The following COPB1 variants were observed in gnomAD, a reference collection of about 807,000 sequenced individuals.
COPB1 encodes coatomer subunit beta.
Under a neutral mutation model 108.7 loss-of-function variants are expected in COPB1, and 21 were observed. That is an observed-to-expected ratio of 0.19 (90% CI 0.14 to 0.28). The LOEUF is 0.28. Among genes scored for constraint, COPB1 ranks in the 10% least tolerant of loss-of-function variants. COPB1 has a pLI of 1.00. For missense variants in COPB1, 919 were observed against 1,141.3 expected (o/e 0.81, Z 2.81); for synonymous variants, 378 against 386.8 (o/e 0.98, Z 0.27).
chr11:14,464,857 G>A (rs1850246253), intron 18 of COPB1, 54 bp downstream of exon 18: 1 of 1,580,140 alleles, frequency 6.3e-7, no homozygotes, highest in Admixed American at 1.7e-5. Context: ...ACTCACTATA[G>A]AAATTCTTCA....
At chr11:14,458,453 C>T in intron 21 of COPB1, 79 bp downstream of exon 21, 1 of 1,357,934 alleles carries the variant, frequency 7.4e-7, no homozygotes, top group Non-Finnish European at 1.0e-6. Flanking sequence ...AAAGATACTA[C>T]ATATAGAAAT....
chr11:14,471,770 A>C (rs1018925218), intron 14 of COPB1, among the ~76,000 whole-genome samples: 80 of 152,044 alleles, frequency 5.3e-4, no homozygotes, highest in Non-Finnish European at 1.9e-4. Context: ...AATACAAAAA[A>C]AATTAGACAG....
intron 20 of COPB1, 33 bp downstream of exon 20, chr11:14,460,175 A>G: frequency 7.2e-7 from 1 of 1,390,640 alleles, no homozygotes; most frequent in Non-Finnish European, 1.0e-6. Flanking sequence ...CTACCATTCC[A>G]TCAGATTTCT....
chr11:14,473,480 G>C (rs1027433247), intron 14 of COPB1, among the ~76,000 whole-genome samples: 2 of 152,064 alleles, frequency 1.3e-5, no homozygotes, highest in Admixed American at 6.5e-5. Context: ...CCTTCACTTA[G>C]AAGCCACTGT....
intron 1 of COPB1, among the ~76,000 whole-genome samples, chr11:14,499,226 G>A (rs1851095187): frequency 6.6e-6 from 1 of 152,110 alleles, no homozygotes; most frequent in Admixed American, 6.5e-5. Flanking sequence ...AAGGCCCACA[G>A]AACAGTGACA....
intron 18 of COPB1, among the ~76,000 whole-genome samples, chr11:14,464,001 T>C (rs1850223344): frequency 6.6e-6 from 1 of 152,224 alleles, no homozygotes; most frequent in Admixed American, 6.5e-5. Flanking sequence ...TATAATGCTA[T>C]AAGTCATTCA....
Position 14,479,609 on chromosome 11 carries a change from C to T in COPB1, c.1318G>A (p.Glu440Lys). ...GCATGAAAGACTTCAAGCATCTTCTCAACAATAAGCATTCTCAGGTTATCA... is the reference window on the plus strand; with the variant it reads ...GCATGAAAGACTTCAAGCATCTTCTTAACAATAAGCATTCTCAGGTTATCA... ...RFDNLRMLIV[E>K]KMLEVFHAIK... Residue 440 changes from glutamate to lysine, a missense_variant, in exon 11 of 22, where the codon GAG (glutamate) becomes AAG (lysine). Glu to Lys is a moderately conservative substitution (Grantham distance 56, BLOSUM62 1). This residue lies in a region of COPB1 where 705 missense variants were observed against 817.8 expected (regional missense o/e 0.86). Transcript: ENST00000439561. 1 of 1,612,758 alleles carries T rather than the reference C, an allele frequency of 6.2e-7. No individual in the cohort carries two copies. Among genetic ancestry groups the T allele is most frequent in the Non-Finnish European group, 8.5e-7 (1 of 1,179,534 alleles).
chr11:14,498,855 C>G lies in COPB1; in HGVS notation c.74G>C (p.Ser25Thr). The G allele has an allele frequency of 1.2e-6, 2 of 1,602,034 alleles. No homozygotes were observed. Among genetic ancestry groups the G allele is most frequent in the Non-Finnish European group, 1.7e-6 (2 of 1,176,336 alleles). The change falls in exon 2 of 22, where the codon AGC (serine) becomes ACC (threonine). Residue 25 changes from serine to threonine, a missense_variant. By Grantham distance (58) the Ser-to-Thr change is moderately conservative. This residue lies in a region of COPB1 where 92 missense variants were observed against 108.4 expected (regional missense o/e 0.85). Coordinates refer to ENST00000439561, the MANE Select transcript of COPB1 (RefSeq NM_001144061.2). ...AAGTTTACCTAGATCATTTTTTAAG[C>G]TAATTTCAGATGGTGGTTCTGAATC... Reference protein sequence around the residue: ...PMDSEPPSEISLKNDLEKGDV... With the variant: ...PMDSEPPSEITLKNDLEKGDV...
intron 2 of COPB1, among the ~76,000 whole-genome samples, chr11:14,495,759 C>G (rs1339989187): frequency 1.3e-5 from 2 of 152,134 alleles, no homozygotes; most frequent in African/African-American, 4.8e-5. Context: ...TCAATTAAGA[C>G]TAGGGCATTG....
intron 10 of COPB1, 36 bp downstream of exon 10, chr11:14,480,723 G>C: frequency 1.9e-6 from 3 of 1,584,092 alleles, no homozygotes; most frequent in Non-Finnish European, 2.6e-6. Context: ...AATTCTTTTA[G>C]ATAATTTCAA....
At chr11:14,499,014 A>C in intron 1 of COPB1, 29 bp from the exon 2 acceptor site, 1 of 1,064,310 alleles carries the variant, frequency 9.4e-7, no homozygotes. Flanking sequence ...ACATATCATT[A>C]CAAATTAAAA....
intron 10 of COPB1, among the ~76,000 whole-genome samples, chr11:14,480,319 C>T (rs1850634229): frequency 6.6e-6 from 1 of 152,142 alleles, no homozygotes; most frequent in Non-Finnish European, 1.5e-5. Context: ...AGAGAGAACT[C>T]AAGAGCTCAA....
At position 14,480,748 on chromosome 11, in the gene COPB1, G is replaced by C; in HGVS notation, c.1212+11C>G. ...GATAATTTCAAAATTAAAGTCATCA[G>C]AATTACATACCACAGGAATAACATT... On this transcript the variant is annotated intron_variant, in intron 10 of 21. Coordinates refer to ENST00000439561, the MANE Select transcript of COPB1 (RefSeq NM_001144061.2). The C allele has an allele frequency of 1.9e-6, 3 of 1,601,910 alleles. No homozygotes were observed. The highest frequency in any genetic ancestry group is 1.7e-6 in the Non-Finnish European group (2 of 1,176,782).
intron 5 of COPB1, among the ~76,000 whole-genome samples, chr11:14,489,670 C>T (rs978265327): frequency 3.9e-5 from 6 of 151,976 alleles, no homozygotes; most frequent in African/African-American, 1.4e-4. Flanking sequence ...AATACTTAGT[C>T]AAAATCACAG....
chr11:14,493,918 T>C lies in COPB1; in HGVS notation c.322-107A>G, dbSNP rs1850962545. On this transcript the variant is annotated intron_variant, in intron 3 of 21. Coordinates refer to ENST00000439561, the MANE Select transcript of COPB1 (RefSeq NM_001144061.2). ...AAAAAAATACGTTTGAGAAAAAACC[T>C]AGATTACCGACAATTTCCATCATAT... is the stretch of plus-strand genomic sequence containing the variant. The C allele has an allele frequency of 4.0e-6, 4 of 1,005,148 alleles. No individual in the cohort carries two copies. In the South Asian group the frequency reaches 7.4e-5, roughly 19 times the overall value. 62.3% of individuals were successfully genotyped at this position (1,005,148 alleles called of 1,614,324 possible).
At chr11:14,498,053 G>A (rs1228953583) in intron 2 of COPB1, among the ~76,000 whole-genome samples, 2 of 152,192 alleles carry the variant, frequency 1.3e-5, no homozygotes, top group African/African-American at 2.4e-5. Flanking sequence ...GGTAGTGGTA[G>A]GGAAGTGGAG....
intron 20 of COPB1, 125 bp from the exon 21 acceptor site, chr11:14,458,812 G>A: frequency 1.2e-6 from 1 of 850,402 alleles, no homozygotes; most frequent in South Asian, 2.0e-5. Context: ...TGTCCAGCTT[G>A]GAGCTGGAGT....
chr11:14,466,142 T>C, intron 17 of COPB1, 140 bp downstream of exon 17: 1 of 832,140 alleles, frequency 1.2e-6, no homozygotes, highest in Non-Finnish European at 1.8e-6. Context: ...AACTAAATGA[T>C]AAATGAAAAA....
At chr11:14,483,450 T>G (rs1375195559) in intron 7 of COPB1, among the ~76,000 whole-genome samples, 1 of 151,854 alleles carries the variant, frequency 6.6e-6, no homozygotes, top group Non-Finnish European at 1.5e-5. Context: ...CAGCCAAAAT[T>G]TAAGGGTTAA....
Sources: allele counts gnomAD v4.1 joint callset (sites outside exome capture counted in the v4.1 genomes callset), GRCh38; gene constraint gnomAD v4.1.1; regional missense constraint gnomAD v4.1.1; transcripts MANE v1.5; gene names NCBI Gene and HGNC (gene_info 2026-07-23, HGNC 2026-07-21).